TAF1B: variants seen among roughly 807,000 people sequenced by gnomAD.
The protein encoded by TAF1B is TATA-box binding protein associated factor, RNA polymerase I subunit B, also known as TATA box-binding protein-associated factor RNA polymerase I subunit B.
TAF1B carries 61 observed loss-of-function variants against 83.9 expected under a neutral mutation model. The observed-to-expected ratio is 0.73, with a 90% CI of 0.59 to 0.90. TAF1B has a LOEUF of 0.90. Among genes scored for constraint, TAF1B ranks in the 40% least tolerant of loss-of-function variants. The pLI, the probability that TAF1B is intolerant of heterozygous loss-of-function variation, is 0.00. For missense variants in TAF1B, 625 were observed against 677.0 expected, an observed-to-expected ratio of 0.92 and a Z score of 0.85; for synonymous variants, 221 against 224.6, an observed-to-expected ratio of 0.98 and a Z score of 0.14.
chr2:9,878,444 A>G (rs1252026031), intron 7 of TAF1B, among the ~76,000 whole-genome samples: 4 of 152,134 alleles, frequency 2.6e-5, no homozygotes, highest in African/African-American at 7.2e-5. Context: ...TTGAAAAAAT[A>G]TGTAAAGAAC....
In TAF1B at chr2:9,919,111, G is replaced by C. The variant is rs371493579; in HGVS notation, c.1342G>C (p.Glu448Gln). The C allele has an allele frequency of 8.1e-6, 13 of 1,613,852 alleles. No homozygotes were observed. The highest frequency in any genetic ancestry group is 8.0e-5 in the African/African-American group (6 of 75,040). The change falls in exon 13 of 15, where the codon GAA becomes CAA. Residue 448 changes from glutamate to glutamine, a missense_variant and splice_region_variant. Glu to Gln is a conservative substitution (Grantham distance 29, BLOSUM62 2). Transcript: ENST00000263663. ...CAAACCAGTAGCATATAAAAAAAGA[G>C]GTAAGTCAAATTTTGTCTTTTTAAT... ...VDKPVAYKKR[E>Q]MVVNLQKQFS...
chr2:9,922,039 G>C, intron 14 of TAF1B, among the ~76,000 whole-genome samples: 1 of 152,166 alleles, frequency 6.6e-6, no homozygotes, highest in East Asian at 1.9e-4. Flanking sequence ...TATATTTAAA[G>C]TAATCTCATC....
intron 5 of TAF1B, among the ~76,000 whole-genome samples, chr2:9,861,022 A>G (rs766950860): frequency 3.2e-4 from 48 of 152,236 alleles, no homozygotes; most frequent in Admixed American, 1.0e-3. Context: ...CAGCATGAGC[A>G]GCGCAGAAGA....
At chr2:9,900,761 C>T (rs115966770) in intron 8 of TAF1B, among the ~76,000 whole-genome samples, 1 of 152,070 alleles carries the variant, frequency 6.6e-6, no homozygotes, top group Non-Finnish European at 1.5e-5. Context: ...CAAGGATGTT[C>T]CTAAATGTTT....
chr2:9,919,010 C>G, intron 12 of TAF1B, 31 bp from the exon 13 acceptor site: 1 of 1,576,940 alleles, frequency 6.3e-7, no homozygotes, highest in South Asian at 1.1e-5. Context: ...TCATCTCCGT[C>G]CTGCTCCAGC....
At chr2:9,889,410 G>C (rs965665244) in intron 8 of TAF1B, among the ~76,000 whole-genome samples, 4 of 151,962 alleles carry the variant, frequency 2.6e-5, no homozygotes, top group African/African-American at 9.7e-5. Flanking sequence ...TTTCATTTCA[G>C]ATACTACATT....
intron 5 of TAF1B, among the ~76,000 whole-genome samples, chr2:9,861,733 T>C (rs1361972675): frequency 6.6e-6 from 1 of 152,228 alleles, no homozygotes; most frequent in Admixed American, 6.5e-5. Flanking sequence ...GGCCAGGTAC[T>C]CCTCTGAGAC....
At chr2:9,864,041 G>C (rs1051648163) in intron 5 of TAF1B, among the ~76,000 whole-genome samples, 2 of 152,082 alleles carry the variant, frequency 1.3e-5, no homozygotes, top group Non-Finnish European at 2.9e-5. Context: ...AAAAGAACTA[G>C]AGAAACAAGA....
At chr2:9,920,251 T>C (rs891976076) in intron 14 of TAF1B, among the ~76,000 whole-genome samples, 1 of 152,206 alleles carries the variant, frequency 6.6e-6, no homozygotes, top group Non-Finnish European at 1.5e-5. Context: ...ACTGATACGA[T>C]ACCTTTATCT....
chr2:9,875,707 C>T (rs551480651), intron 6 of TAF1B, among the ~76,000 whole-genome samples, 158 bp from the exon 7 acceptor site: 7 of 152,254 alleles, frequency 4.6e-5, no homozygotes, highest in East Asian at 3.9e-4. Context: ...TCCCATGACA[C>T]GTGGGAATTA....
intron 14 of TAF1B, among the ~76,000 whole-genome samples, chr2:9,922,913 A>G (rs1572290065): frequency 6.6e-6 from 1 of 152,324 alleles, no homozygotes; most frequent in Admixed American, 6.5e-5. Flanking sequence ...AAGTATGACC[A>G]TTATTATTTT....
chr2:9,886,946 T>A (rs1664693448), intron 8 of TAF1B, among the ~76,000 whole-genome samples: 1 of 152,012 alleles, frequency 6.6e-6, no homozygotes, highest in South Asian at 2.1e-4. Flanking sequence ...ACAGCTTTAG[T>A]CCCAGCTACT....
chr2:9,919,572 T>A, intron 13 of TAF1B, 26 bp from the exon 14 acceptor site: 1 of 1,580,114 alleles, frequency 6.3e-7, no homozygotes, highest in Non-Finnish European at 8.7e-7. Flanking sequence ...CTTGTTATTT[T>A]GTTTCCTTTT....
chr2:9,843,699 G>C (rs1163693197), intron 1 of TAF1B, 140 bp downstream of exon 1: 8 of 1,007,718 alleles, frequency 7.9e-6, no homozygotes, highest in African/African-American at 1.7e-5. Flanking sequence ...GCTGCAGGGC[G>C]GGCTAAGGAC....
chr2:9,844,347 G>A (rs1663131272), intron 1 of TAF1B: 1 of 151,820 alleles, frequency 6.6e-6, no homozygotes. Context: ...TGTAGGGGCA[G>A]GGGTCTCGCT....
At position 9,934,005 on chromosome 2, in the gene TAF1B, C is replaced by G. The variant is rs187109928; in HGVS notation, c.*21C>G. 3 of 1,546,908 alleles carry G rather than the reference C, an allele frequency of 1.9e-6. No homozygotes were observed. In the African/African-American group the frequency reaches 4.2e-5, roughly 21 times the overall value. ...ATTGAGAAAATGAAATAGAAACTTT[C>G]TGGAAAAATATTTTAATAGTGATAA... On this transcript the variant is annotated 3_prime_UTR_variant, in exon 15 of 15. Coordinates refer to ENST00000263663, the MANE Select transcript of TAF1B (RefSeq NM_005680.3).
At chr2:9,874,779 G>A (rs1289515751) in intron 6 of TAF1B, among the ~76,000 whole-genome samples, 2 of 152,186 alleles carry the variant, frequency 1.3e-5, no homozygotes, top group African/African-American at 4.8e-5. Flanking sequence ...GGGGATAGAA[G>A]AAGGTGCTGC....
intron 7 of TAF1B, among the ~76,000 whole-genome samples, chr2:9,881,909 A>G (rs76858573): frequency 6.6e-6 from 1 of 152,166 alleles, no homozygotes; most frequent in Non-Finnish European, 1.5e-5. Context: ...AACATCTAAC[A>G]TGTACCATTA....
intron 4 of TAF1B, among the ~76,000 whole-genome samples, chr2:9,853,538 G>A (rs1375457037): frequency 6.6e-6 from 1 of 151,806 alleles, no homozygotes; most frequent in African/African-American, 2.4e-5. Flanking sequence ...CCTGATCATG[G>A]CTCACTGCAG....
Sources: gnomAD v4.1 joint callset for allele counts (sites outside exome capture counted in the v4.1 genomes callset) on GRCh38, gnomAD v4.1.1 for gene constraint, MANE v1.5 for transcripts, NCBI Gene and HGNC (gene_info 2026-07-23, HGNC 2026-07-21) for gene names.